EPHA6: variants seen among roughly 807,000 people sequenced by gnomAD.
EPHA6 encodes the protein ephrin type-A receptor 6.
A neutral mutation model predicts 112.0 loss-of-function variants in EPHA6; 50 were observed. That is an observed-to-expected ratio of 0.45 (90% CI 0.36 to 0.56). The LOEUF (loss-of-function observed/expected upper bound fraction) is 0.56, where lower values mean the gene tolerates loss of function less well. EPHA6 is among the 20% of genes least tolerant of loss of function. The pLI, the probability that EPHA6 is intolerant of heterozygous loss-of-function variation, is 0.00. For missense variants in EPHA6, 1,280 were observed against 1,417.4 expected, an observed-to-expected ratio of 0.90 and a Z score of 1.56; for synonymous variants, 529 against 490.7, an observed-to-expected ratio of 1.08 and a Z score of -1.03.
chr3:97,188,803 A>C (rs1273148154), intron 3 of EPHA6, among the ~76,000 whole-genome samples: 2 of 152,020 alleles, frequency 1.3e-5, no homozygotes, highest in Non-Finnish European at 2.9e-5. Flanking sequence ...AGAATTAAAC[A>C]TGAAATTATG....
chr3:97,018,386 G>A (rs556724339), intron 3 of EPHA6, among the ~76,000 whole-genome samples: 86 of 152,100 alleles, frequency 5.7e-4, no homozygotes, highest in African/African-American at 1.7e-3. Context: ...CCACCAAGTC[G>A]CAGAGACCAG....
intron 6 of EPHA6, among the ~76,000 whole-genome samples, chr3:97,405,798 G>A (rs2087301438): frequency 6.6e-6 from 1 of 152,006 alleles, no homozygotes; most frequent in Non-Finnish European, 1.5e-5. Flanking sequence ...TTATAAGCTA[G>A]CAAGATAAAT....
chr3:97,701,319 A>G (rs2033375105), intron 14 of EPHA6, among the ~76,000 whole-genome samples: 1 of 152,104 alleles, frequency 6.6e-6, no homozygotes, highest in African/African-American at 2.4e-5. Flanking sequence ...TGGAGATAGT[A>G]GGGGTCCCAA....
chr3:96,911,135 G>A (rs1271214992), intron 2 of EPHA6, among the ~76,000 whole-genome samples: 2 of 151,788 alleles, frequency 1.3e-5, no homozygotes, highest in Non-Finnish European at 2.9e-5. Context: ...ACACATAGTT[G>A]GAATTAATAA....
intron 6 of EPHA6, among the ~76,000 whole-genome samples, chr3:97,427,950 G>A (rs1007508758): frequency 6.6e-6 from 1 of 151,954 alleles, no homozygotes; most frequent in African/African-American, 2.4e-5. Flanking sequence ...CTGTCTATGG[G>A]GCACTATGCT....
At chr3:97,599,056 A>T (rs1233114244) in intron 12 of EPHA6, among the ~76,000 whole-genome samples, 2 of 152,106 alleles carry the variant, frequency 1.3e-5, no homozygotes, top group African/African-American at 4.8e-5. Flanking sequence ...TGGCTGCATA[A>T]ATGTCTTCTT....
intron 2 of EPHA6, among the ~76,000 whole-genome samples, chr3:96,959,795 CAT>C (rs1336361303): frequency 1.3e-5 from 2 of 151,134 alleles, no homozygotes; most frequent in African/African-American, 2.4e-5. Flanking sequence ...CAAAACGAAA[CAT>C]AGAAAAAGAC....
intron 3 of EPHA6, among the ~76,000 whole-genome samples, chr3:97,180,078 T>C (rs1264957162): frequency 6.6e-6 from 1 of 152,056 alleles, no homozygotes. Context: ...GTTCTATAAG[T>C]GCATCTAAGC....
chr3:96,829,949 GCACACACACACACACA>G (rs67227502), intron 1 of EPHA6, among the ~76,000 whole-genome samples: 4 of 136,034 alleles, frequency 2.9e-5, no homozygotes, highest in African/African-American at 8.9e-5. Flanking sequence ...GCGCGCGCGC[GCACACACACACACACA>G]CACACACACA....
At position 97,171,844 on chromosome 3, in the gene EPHA6, GT is replaced by G. The variant is rs139867360; in HGVS notation, c.1115-54417del. Among the ~76,000 whole-genome samples the G allele has an allele frequency of 5.7e-3, 873 of 152,108 alleles. 7 individuals carry two copies. Among genetic ancestry groups the G allele is most frequent in the African/African-American group, 0.02 (844 of 41,522 alleles). ...CAAGAGCCAATCCGGAGTAGAATGAGTTTAGGGATAACAAAAAACCTTGGTA... is the reference window on the plus strand; with the variant it reads ...CAAGAGCCAATCCGGAGTAGAATGAGTTAGGGATAACAAAAAACCTTGGTA... On this transcript the variant is annotated intron_variant, in intron 3 of 17. Coordinates refer to ENST00000389672, the MANE Select transcript of EPHA6 (RefSeq NM_001080448.3).
chr3:97,759,109 G>T lies in EPHA6; in HGVS notation c.*10408G>T, dbSNP rs1332089490. ...ATAATTAGAATTAAACAGAAGAAAT[G>T]GAGTATAAAGTAAGCTAGAGAAAAA... On this transcript the variant is annotated 3_prime_UTR_variant, in exon 18 of 18. Transcript: ENST00000389672. Among the ~76,000 whole-genome samples, 1 of 152,092 alleles carries T rather than the reference G, an allele frequency of 6.6e-6. No homozygotes were observed. Among genetic ancestry groups the T allele is most frequent in the Admixed American group, 6.5e-5 (1 of 15,272 alleles).
chr3:97,419,412 C>A (rs1025859885), intron 6 of EPHA6, among the ~76,000 whole-genome samples: 2 of 151,952 alleles, frequency 1.3e-5, no homozygotes, highest in Admixed American at 1.3e-4. Flanking sequence ...TCACCTGAGG[C>A]CAGCAGTTCA....
At chr3:97,028,849 G>T (rs1425190833) in intron 3 of EPHA6, among the ~76,000 whole-genome samples, 1 of 150,940 alleles carries the variant, frequency 6.6e-6, no homozygotes. Flanking sequence ...GATAATTTTT[G>T]TTTAATTCTT....
chr3:96,877,929 ATTT>A (rs200140200), intron 2 of EPHA6, among the ~76,000 whole-genome samples: 105 of 128,568 alleles, frequency 8.2e-4, no homozygotes, highest in East Asian at 7.9e-3. Context: ...ATATATATAT[ATTT>A]TTTTTTTTTC....
chr3:97,734,286 A>G (rs949812375), intron 15 of EPHA6, among the ~76,000 whole-genome samples: 5 of 152,038 alleles, frequency 3.3e-5, no homozygotes, highest in Non-Finnish European at 5.9e-5. Context: ...TTGTTTTAAA[A>G]TGGAATTCTA....
chr3:97,194,487 A>G (rs1332957786), intron 3 of EPHA6, among the ~76,000 whole-genome samples: 1 of 152,046 alleles, frequency 6.6e-6, no homozygotes, highest in African/African-American at 2.4e-5. Context: ...ATGGCCTAAC[A>G]TATGGTCTAT....
At chr3:97,663,602 G>C (rs2094185084) in intron 14 of EPHA6, among the ~76,000 whole-genome samples, 1 of 149,958 alleles carries the variant, frequency 6.7e-6, no homozygotes, top group South Asian at 2.1e-4. Flanking sequence ...TTTTGTCCTT[G>C]CAGTAGTTTG....
chr3:97,605,679 T>C (rs1180514236), intron 12 of EPHA6, among the ~76,000 whole-genome samples: 1 of 151,658 alleles, frequency 6.6e-6, no homozygotes, highest in Non-Finnish European at 1.5e-5. Flanking sequence ...AGTTGGGTAA[T>C]GATATACCTC....
At chr3:96,896,944 C>T (rs759839224) in intron 2 of EPHA6, among the ~76,000 whole-genome samples, 2 of 151,910 alleles carry the variant, frequency 1.3e-5, no homozygotes, top group Non-Finnish European at 2.9e-5. Context: ...AGCTATTTTC[C>T]CAAATATTAT....
Sources: gnomAD v4.1 joint callset for allele counts (sites outside exome capture counted in the v4.1 genomes callset) on GRCh38, gnomAD v4.1.1 for gene constraint, MANE v1.5 for transcripts, NCBI Gene and HGNC (gene_info 2026-07-23, HGNC 2026-07-21) for gene names.